ZNF500: variants seen among roughly 807,000 people sequenced by gnomAD.
ZNF500 encodes the protein zinc finger protein 500, also known as zinc finger protein with KRAB and SCAN domains 18.
In ZNF500, 31 loss-of-function variants were observed where a neutral mutation model predicts 30.1. That is an observed-to-expected ratio of 1.03 (90% CI 0.77 to 1.39). The LOEUF (loss-of-function observed/expected upper bound fraction) is 1.39. ZNF500 is among the 40% of genes most tolerant of loss of function. The pLI is 0.00. For synonymous variants in ZNF500, 392 were observed against 282.0 expected, an observed-to-expected ratio of 1.39 and a Z score of -3.91; for missense variants, 817 against 657.8, an observed-to-expected ratio of 1.24 and a Z score of -2.65.
chr16:4,757,084 C>G (rs547916249), intron 5 of ZNF500, among the ~76,000 whole-genome samples: 1 of 152,134 alleles, frequency 6.6e-6, no homozygotes, highest in East Asian at 1.9e-4. Flanking sequence ...AGTTTTGGAA[C>G]TAGATGAAGG....
intron 2 of ZNF500, among the ~76,000 whole-genome samples, chr16:4,763,323 C>T (rs142972844): frequency 0.02 from 3,031 of 150,666 alleles, 47 homozygotes; most frequent in Non-Finnish European, 0.031. Flanking sequence ...CGCTTGAACT[C>T]GGGAAGTACA....
chr16:4,760,189 G>A (rs1467114563), intron 5 of ZNF500, among the ~76,000 whole-genome samples: 2 of 152,208 alleles, frequency 1.3e-5, no homozygotes, highest in Non-Finnish European at 2.9e-5. Flanking sequence ...TGGAGAACCA[G>A]GTCCTGTGGG....
At chr16:4,761,616 C>T (rs1390649179) in intron 4 of ZNF500, among the ~76,000 whole-genome samples, 1 of 150,608 alleles carries the variant, frequency 6.6e-6, no homozygotes, top group Admixed American at 6.7e-5. Context: ...GAGACTTAGG[C>T]AAGAGGATCA....
downstream of ZNF500, chr16:4,746,547 T>C (rs2082019781): frequency 6.3e-7 from 1 of 1,595,556 alleles, no homozygotes. Context: ...TACCAGCCTC[T>C]ACTTTGCAGA....
chr16:4,765,459 G>T, intron 2 of ZNF500, 106 bp downstream of exon 2: 1 of 1,462,174 alleles, frequency 6.8e-7, no homozygotes, highest in Non-Finnish European at 9.2e-7. Flanking sequence ...GGGCTCAGGG[G>T]CCAGGCAGCC....
downstream of ZNF500, chr16:4,746,916 T>C: frequency 6.5e-7 from 1 of 1,541,686 alleles, no homozygotes; most frequent in Non-Finnish European, 8.7e-7. Context: ...AACCCATTTC[T>C]CTCCCTGCAG....
At chr16:4,760,285 TG>T (rs1372701791) in intron 5 of ZNF500, among the ~76,000 whole-genome samples, 2 of 152,036 alleles carry the variant, frequency 1.3e-5, no homozygotes, top group South Asian at 2.1e-4. Context: ...AAGAACAGGA[TG>T]GCAAGGCAGT....
chr16:4,763,543 C>A (rs2082230891), intron 2 of ZNF500: 1 of 985,228 alleles, frequency 1.0e-6, no homozygotes, highest in African/African-American at 1.7e-5. Flanking sequence ...CAAGAGACAT[C>A]CCTAGGCAAC....
intron 5 of ZNF500, among the ~76,000 whole-genome samples, chr16:4,758,818 GA>G (rs1013939988): frequency 1.3e-5 from 2 of 151,928 alleles, no homozygotes; most frequent in African/African-American, 4.8e-5. Context: ...GGCAACAAAA[GA>G]AAAAAACGAT....
In ZNF500 at chr16:4,765,679, A is replaced by G. The variant is rs553832753; in HGVS notation, c.300T>C (p.Thr100=). 7 of 1,613,496 alleles carry G rather than the reference A, an allele frequency of 4.3e-6. No individual in the cohort carries two copies. In the African/African-American group the frequency reaches 5.3e-5, roughly 12 times the overall value. The change falls in exon 2 of 6, where the codon ACT becomes ACC. Residue 100 remains threonine, a synonymous_variant. Coordinates refer to ENST00000219478, the MANE Select transcript of ZNF500 (RefSeq NM_021646.4). ...LELLVLEQFL[T]VLPGEIQARV... is the part of the protein sequence containing the mutation. ...GAGCCTGGATCTCCCCCGGCAGCAC[A>G]GTCAGGAACTGCTCCAGCACCAGCA... is the stretch of plus-strand genomic sequence containing the variant.
chr16:4,751,771 G>T lies in ZNF500; in HGVS notation c.*605C>A. On this transcript the variant is annotated 3_prime_UTR_variant, in exon 6 of 6. Transcript: ENST00000219478. ...CCCTACCAAAAAAGAGACTGGGCAT[G>T]GCGGCACACACCTGTAACCCCAGCT... The T allele has an allele frequency of 1.2e-6, 1 of 848,454 alleles. No homozygotes were observed. The highest frequency in any genetic ancestry group is 1.9e-6 in the Non-Finnish European group (1 of 531,700). 52.6% of individuals were successfully genotyped at this position (848,454 alleles called of 1,614,324 possible).
Position 4,762,751 on chromosome 16 carries a change from T to C in ZNF500, c.420A>G (p.Ser140=). ...GCACCTCGTCATCAGAAAGCAGCTCTGAGCCCTGCACACAGACAGTGATCT... is the reference window on the plus strand; with the variant it reads ...GCACCTCGTCATCAGAAAGCAGCTCCGAGCCCTGCACACAGACAGTGATCT... ...RKPRKHRQRG[S]ELLSDDEVPL... Residue 140 remains serine (S), a synonymous_variant, in exon 3 of 6, where the codon TCA becomes TCG. Transcript: ENST00000219478. The C allele has an allele frequency of 6.2e-7, 1 of 1,604,154 alleles. No homozygotes were observed. The highest frequency in any genetic ancestry group is 8.5e-7 in the Non-Finnish European group (1 of 1,174,866).
chr16:4,762,376 C>G (rs1447449528), intron 3 of ZNF500, 41 bp from the exon 4 acceptor site: 1 of 1,567,760 alleles, frequency 6.4e-7, no homozygotes. Flanking sequence ...ACAGCTCACC[C>G]AGTACTGCCC....
intron 5 of ZNF500, among the ~76,000 whole-genome samples, chr16:4,754,742 T>C (rs2082119344): frequency 6.6e-6 from 1 of 151,940 alleles, no homozygotes; most frequent in East Asian, 1.9e-4. Context: ...CCTGCTATAA[T>C]AATATTTTAT....
chr16:4,746,285 G>T (rs1240835172), downstream of ZNF500: 18 of 1,395,706 alleles, frequency 1.3e-5, no homozygotes, highest in East Asian at 3.7e-4. Flanking sequence ...CTGGGTGGCA[G>T]CCACGAGCAC....
At chr16:4,747,132 C>A, downstream of ZNF500, 2 of 1,248,250 alleles carry the variant, frequency 1.6e-6, no homozygotes, top group Non-Finnish European at 2.2e-6. Context: ...CTTGCTGCAC[C>A]CACCGCACAG....
intron 5 of ZNF500, among the ~76,000 whole-genome samples, chr16:4,759,704 G>A (rs1314550174): frequency 6.6e-6 from 1 of 152,030 alleles, no homozygotes; most frequent in African/African-American, 2.4e-5. Context: ...CTCTGGAGAA[G>A]AACCCTAATA....
At chr16:4,764,892 G>A (rs4786547) in intron 2 of ZNF500, among the ~76,000 whole-genome samples, 80,105 of 151,922 alleles carry the variant, frequency 0.53, 21,666 homozygotes, top group East Asian at 0.67. Flanking sequence ...TAGAACCTCT[G>A]GGGGCTCTAA....
chr16:4,760,318 C>T (rs758166802), intron 5 of ZNF500, among the ~76,000 whole-genome samples, 174 bp downstream of exon 5: 1 of 152,242 alleles, frequency 6.6e-6, no homozygotes, highest in South Asian at 2.1e-4. Context: ...GCCTGAGTCA[C>T]GGCCGAGTGG....
Sources: gnomAD v4.1 joint callset for allele counts (sites outside exome capture counted in the v4.1 genomes callset) on GRCh38, gnomAD v4.1.1 for gene constraint, MANE v1.5 for transcripts, NCBI Gene and HGNC (gene_info 2026-07-23, HGNC 2026-07-21) for gene names.